SPON1: variants seen among roughly 807,000 people sequenced by gnomAD.
SPON1 encodes the protein spondin-1.
In SPON1, 52 loss-of-function variants were observed where a neutral mutation model predicts 111.7. The ratio of observed to expected loss-of-function variants is 0.47; its 90% confidence interval spans 0.37 to 0.59. SPON1 has a LOEUF of 0.59. SPON1 is among the 20% of genes least tolerant of loss of function. The pLI, the probability that SPON1 is intolerant of heterozygous loss-of-function variation, is 0.00. For synonymous variants in SPON1, 410 were observed against 395.8 expected (o/e 1.04, Z -0.43); for missense variants, 957 against 1,068.5 (o/e 0.90, Z 1.46).
At chr11:14,041,470 G>C in intron 2 of SPON1, 51 bp from the exon 3 acceptor site, 1 of 1,600,370 alleles carries the variant, frequency 6.2e-7, no homozygotes, top group Non-Finnish European at 8.5e-7. Flanking sequence ...AAGCTTAAGC[G>C]CCCTCTCAAA....
chr11:14,259,148 C>T lies in SPON1; in HGVS notation c.1493-132C>T, dbSNP rs782325684. 1.8e-5 allele frequency: 17 copies of T among 946,986 alleles called. No individual in the cohort carries two copies. Among genetic ancestry groups the T allele is most frequent in the Non-Finnish European group, 2.6e-5 (17 of 652,890 alleles). 58.7% of individuals were successfully genotyped at this position (946,986 alleles called of 1,614,324 possible). A position where few individuals can be genotyped will look rare whatever the true frequency, so the allele number is the denominator to read the frequency against. ...AACTTTGCCAGTTTAAGGATTTAGA[C>T]CTCTTAGGTGTGCAGACAACCTCAA... On this transcript the variant is annotated intron_variant, in intron 11 of 15. Coordinates refer to ENST00000576479, the MANE Select transcript of SPON1 (RefSeq NM_006108.4). This position sits in a 1 kb window ranked among gnomAD's most constrained non-coding sequence, Gnocchi z 5.0.
chr11:14,233,696 G>T (rs1437618179), intron 6 of SPON1, among the ~76,000 whole-genome samples: 4 of 151,764 alleles, frequency 2.6e-5, no homozygotes, highest in Non-Finnish European at 4.4e-5. Flanking sequence ...GACGGGACCT[G>T]CCCTGGGATG....
intron 2 of SPON1, among the ~76,000 whole-genome samples, chr11:13,986,311 C>T (rs1252561462): frequency 6.6e-6 from 1 of 152,038 alleles, no homozygotes; most frequent in Non-Finnish European, 1.5e-5. Context: ...CTGTTTAACA[C>T]CTTCACTTCA....
chr11:14,095,301 G>A (rs1465947518), intron 5 of SPON1, among the ~76,000 whole-genome samples: 1 of 151,902 alleles, frequency 6.6e-6, no homozygotes, highest in Non-Finnish European at 1.5e-5. Context: ...GATACCATAT[G>A]GACCATAGCC....
intron 6 of SPON1, among the ~76,000 whole-genome samples, chr11:14,194,567 C>CAGAG (rs150398912): frequency 7.2e-6 from 1 of 139,306 alleles, no homozygotes; most frequent in Non-Finnish European, 1.6e-5. Context: ...CACACACACA[C>CAGAG]GGACTGCCTG....
chr11:14,079,499 A>G (rs1203541104), intron 4 of SPON1, among the ~76,000 whole-genome samples: 2 of 152,070 alleles, frequency 1.3e-5, no homozygotes, highest in African/African-American at 4.8e-5. Flanking sequence ...GAAAGCACAC[A>G]TGTGTATTCC....
intron 6 of SPON1, among the ~76,000 whole-genome samples, chr11:14,226,507 G>A (rs933168839): frequency 2.0e-5 from 3 of 152,192 alleles, no homozygotes; most frequent in African/African-American, 7.2e-5. Flanking sequence ...CACCACAAGA[G>A]TATCATATCA....
Position 14,265,814 on chromosome 11 carries a change from T to G in SPON1, c.*127T>G. ...CATTTTTGCAGTGTGGTTCGCCCAG[T>G]AGTCTTGTGGATGCCAGAGACATCC... is the stretch of plus-strand genomic sequence containing the variant. On this transcript the variant is annotated 3_prime_UTR_variant, in exon 16 of 16. Coordinates refer to ENST00000576479, the MANE Select transcript of SPON1 (RefSeq NM_006108.4). The G allele has an allele frequency of 8.9e-7, 1 of 1,117,988 alleles. No homozygotes were observed. Among genetic ancestry groups the G allele is most frequent in the African/African-American group, 1.6e-5 (1 of 63,906 alleles). The allele number at this position is 1,117,988 out of a possible 1,614,324, so 69.3% of individuals were successfully genotyped here.
At chr11:14,052,430 G>T (rs570664042) in intron 3 of SPON1, among the ~76,000 whole-genome samples, 1 of 152,180 alleles carries the variant, frequency 6.6e-6, no homozygotes, top group Non-Finnish European at 1.5e-5. Context: ...AGTTTTTCTG[G>T]CATTAGGTAG....
At chr11:14,254,068 C>T (rs1849080807) in intron 7 of SPON1, among the ~76,000 whole-genome samples, 1 of 152,334 alleles carries the variant, frequency 6.6e-6, no homozygotes, top group Admixed American at 6.5e-5. Context: ...GTCCCTGCTT[C>T]CCAGCTGTGA....
In SPON1 at chr11:14,030,478, C is replaced by T. The variant is rs1848550033; in HGVS notation, c.346-11043C>T. On this transcript the variant is annotated intron_variant, in intron 2 of 15. Transcript: ENST00000576479. ...TGGTGCTCGTGGCCACGTCACCTCC[C>T]CCACAATCCCACGTGCTTCTCAAGT... 2.0e-5 allele frequency among the ~76,000 whole-genome samples: 3 copies of T among 152,282 alleles called. No individual in the cohort carries two copies. The South Asian group carries it at 6.2e-4, about 32-fold the overall frequency.
intron 5 of SPON1, among the ~76,000 whole-genome samples, chr11:14,131,855 A>G (rs1157253057): frequency 6.6e-6 from 1 of 152,142 alleles, no homozygotes; most frequent in Admixed American, 6.5e-5. Flanking sequence ...TACCCTTTGT[A>G]ATGTTGCAAA....
At chr11:14,199,049 T>C (rs1380530684) in intron 6 of SPON1, among the ~76,000 whole-genome samples, 4 of 152,152 alleles carry the variant, frequency 2.6e-5, no homozygotes, top group Admixed American at 6.5e-5. Flanking sequence ...TACTATCTAC[T>C]ACTTTGGGGG....
At chr11:14,261,005 G>A (rs1468484832) in intron 14 of SPON1, among the ~76,000 whole-genome samples, 4 of 152,086 alleles carry the variant, frequency 2.6e-5, no homozygotes, top group African/African-American at 7.2e-5. Context: ...AGACACATAC[G>A]AAAAACAGCA....
At chr11:13,978,271 G>C (rs1429436501) in intron 1 of SPON1, among the ~76,000 whole-genome samples, 1 of 152,106 alleles carries the variant, frequency 6.6e-6, no homozygotes, top group Non-Finnish European at 1.5e-5. Context: ...GAACCAGCTT[G>C]TCAATATCAC....
Position 14,224,411 on chromosome 11 carries a change from G to A in SPON1, c.826-18921G>A, listed in dbSNP as rs1313046266. ...GAGAAAGGGTTAAAAGGATTAAAAG[G>A]GAGATGGTAGTTTATGCAAAGAAGC... On this transcript the variant is annotated intron_variant, in intron 6 of 15. Coordinates refer to ENST00000576479, the MANE Select transcript of SPON1 (RefSeq NM_006108.4). Among the ~76,000 whole-genome samples, 9 of 152,234 alleles carry A rather than the reference G, an allele frequency of 5.9e-5. No homozygotes were observed. In the South Asian group the frequency reaches 1.5e-3, roughly 25 times the overall value.
chr11:14,022,845 T>A (rs1848490752), intron 2 of SPON1, among the ~76,000 whole-genome samples: 1 of 152,252 alleles, frequency 6.6e-6, no homozygotes, highest in South Asian at 2.1e-4. Flanking sequence ...CGCTTTGAGT[T>A]GCTGCAACCA....
chr11:14,171,693 C>G (rs1332912399), intron 6 of SPON1, among the ~76,000 whole-genome samples: 1 of 152,006 alleles, frequency 6.6e-6, no homozygotes, highest in Non-Finnish European at 1.5e-5. Context: ...TATGTTGTGT[C>G]TTTGTTCTCG....
chr11:14,193,085 G>A (rs1256610601), intron 6 of SPON1, among the ~76,000 whole-genome samples: 2 of 152,226 alleles, frequency 1.3e-5, no homozygotes, highest in African/African-American at 2.4e-5. Flanking sequence ...GCAAGTCTCT[G>A]ATGTATTTGC....
Sources: gnomAD v4.1 joint callset for allele counts (sites outside exome capture counted in the v4.1 genomes callset) on GRCh38, gnomAD v4.1.1 for gene constraint, Gnocchi (gnomAD v3.1) non-coding constraint, MANE v1.5 for transcripts, NCBI Gene and HGNC (gene_info 2026-07-23, HGNC 2026-07-21) for gene names.